The following HIPK1 variants were observed in gnomAD, a reference collection of about 807,000 sequenced individuals.
The protein encoded by HIPK1 is homeodomain interacting protein kinase 1.
HIPK1 carries 28 observed loss-of-function variants against 117.1 expected under a neutral mutation model. The observed-to-expected ratio is 0.24, with a 90% CI of 0.18 to 0.33. The LOEUF (loss-of-function observed/expected upper bound fraction) is 0.33, where lower values mean the gene tolerates loss of function less well. Among genes scored for constraint, HIPK1 ranks in the 10% least tolerant of loss-of-function variants. The pLI is 1.00. For missense variants in HIPK1, 1,122 were observed against 1,475.1 expected, an observed-to-expected ratio of 0.76 and a Z score of 3.92; for synonymous variants, 605 against 562.5, an observed-to-expected ratio of 1.08 and a Z score of -1.07.
chr1:113,951,138 A>G (rs531033412), intron 2 of HIPK1: 24 of 725,134 alleles, frequency 3.3e-5, no homozygotes, highest in Admixed American at 2.5e-4. Context: ...AGAACAGTGC[A>G]TGGCACATAG....
chr1:113,960,005 C>T (rs1485238889), intron 8 of HIPK1, among the ~76,000 whole-genome samples: 1 of 152,164 alleles, frequency 6.6e-6, no homozygotes, highest in Non-Finnish European at 1.5e-5. Flanking sequence ...ATGATTTGAA[C>T]CCAGGCAGGG....
intron 1 of HIPK1, among the ~76,000 whole-genome samples, chr1:113,932,698 C>T (rs1195429803): frequency 6.6e-6 from 1 of 152,132 alleles, no homozygotes; most frequent in African/African-American, 2.4e-5. Flanking sequence ...TTTTTCTCAT[C>T]TCGGAATTAG....
In HIPK1 at chr1:113,975,788, A is replaced by T. The variant is rs1410451492; in HGVS notation, c.*2276A>T. On this transcript the variant is annotated 3_prime_UTR_variant, in exon 16 of 16. Coordinates refer to ENST00000426820, the MANE Select transcript of HIPK1 (RefSeq NM_198268.3). ...AGGCTTTTGAGGTTTCTTTTTTAAC[A>T]GCTTGTATAGTCTTGGGGCCCTTCA... 6.6e-6 allele frequency: 1 copy of T among 152,644 alleles called. No individual in the cohort carries two copies. Among genetic ancestry groups the T allele is most frequent in the Non-Finnish European group, 1.5e-5 (1 of 68,030 alleles). 9.5% of individuals were successfully genotyped at this position (152,644 alleles called of 1,614,324 possible).
In HIPK1 at chr1:113,934,178, T is replaced by C. The variant is rs564851494; in HGVS notation, c.-3+4646T>C. Among the ~76,000 whole-genome samples, 39 of 152,304 alleles carry C rather than the reference T, an allele frequency of 2.6e-4. 1 individual carries two copies. Among genetic ancestry groups the C allele is most frequent in the South Asian group, 1.9e-3 (9 of 4,828 alleles). The stretch of plus-strand genomic sequence containing the variant: ...GTCATTTGGCTAACCAGCTGTTAAA[T>C]TGTATGAAAGAGGCAAAGATAACAT... On this transcript the variant is annotated intron_variant, in intron 1 of 15. Transcript: ENST00000426820.
At position 113,971,797 on chromosome 1, in the gene HIPK1, T is replaced by C. The variant is rs77125144; in HGVS notation, c.3014-27T>C. ...AGGTTAGCTCAGTGATGTCTACTCA[T>C]AACTATTAAGCCTGGTGCTTTTTTA... On this transcript the variant is annotated intron_variant, in intron 14 of 15. Coordinates refer to ENST00000426820, the MANE Select transcript of HIPK1 (RefSeq NM_198268.3). 8,320 of 1,582,844 alleles carry C rather than the reference T, an allele frequency of 5.3e-3. 371 individuals carry two copies. The African/African-American group carries it at 0.1, about 19-fold the overall frequency.
At chr1:113,957,747 A>G (rs1030027888) in intron 7 of HIPK1, among the ~76,000 whole-genome samples, 16 of 152,028 alleles carry the variant, frequency 1.1e-4, no homozygotes, top group Admixed American at 7.2e-4. Flanking sequence ...GGCTGGGTCT[A>G]CTTTTTTAAT....
Position 113,941,340 on chromosome 1 carries a change from A to G in HIPK1, c.957A>G (p.Glu319=). The G allele has an allele frequency of 6.2e-7, 1 of 1,614,204 alleles. No individual in the cohort carries two copies. The highest frequency in any genetic ancestry group is 1.3e-5 in the African/African-American group (1 of 75,050). Residue 319 remains glutamate, a synonymous_variant, in exon 2 of 16, where the codon GAA becomes GAG. Transcript: ENST00000426820. The surrounding 1 kb of genome is among the most constrained non-coding windows in gnomAD (Gnocchi z 4.9). ...TGATCCACGCTGACCTTAAGCCTGA[A>G]AACATCATGCTGGTTGATCCAGTTC... ...LGLIHADLKP[E]NIMLVDPVRQ...
At chr1:113,960,610 TGTA>T (rs1672037424) in intron 8 of HIPK1, among the ~76,000 whole-genome samples, 1 of 152,220 alleles carries the variant, frequency 6.6e-6, no homozygotes, top group African/African-American at 2.4e-5. Context: ...ACCAATGTCT[TGTA>T]GTTAGGCATG....
chr1:113,954,977 T>C (rs1442570687), intron 4 of HIPK1, among the ~76,000 whole-genome samples: 2 of 152,222 alleles, frequency 1.3e-5, no homozygotes, highest in Non-Finnish European at 2.9e-5. Flanking sequence ...GCTGAGGTTA[T>C]TTTGTATATG....
rs572511607 is a variant in HIPK1, at chr1:113,932,383, T to G, written c.-3+2851T>G. ...CTTTTTGGATCTGTTTTTTTTTTTTTTTTTTTTTATTTGAGACAAGATCTC... is the reference window on the plus strand; with the variant it reads ...CTTTTTGGATCTGTTTTTTTTTTTTGTTTTTTTTATTTGAGACAAGATCTC... On this transcript the variant is annotated intron_variant, in intron 1 of 15. Coordinates refer to ENST00000426820, the MANE Select transcript of HIPK1 (RefSeq NM_198268.3). 6.7e-5 allele frequency among the ~76,000 whole-genome samples: 10 copies of G among 150,372 alleles called. No homozygotes were observed. In the South Asian group the frequency reaches 8.5e-4, roughly 13 times the overall value.
chr1:113,960,365 A>G (rs979832691), intron 8 of HIPK1, among the ~76,000 whole-genome samples: 6 of 152,212 alleles, frequency 3.9e-5, no homozygotes, highest in Non-Finnish European at 8.8e-5. Flanking sequence ...GGCTCAGCCT[A>G]AAGTACAATA....
chr1:113,940,410 G>A lies in HIPK1; in HGVS notation c.27G>A (p.Ser9=), dbSNP rs577913437. The A allele has an allele frequency of 3.7e-6, 6 of 1,608,586 alleles. No individual in the cohort carries two copies. Among genetic ancestry groups the A allele is most frequent in the African/African-American group, 1.3e-5 (1 of 74,686 alleles). The change falls in exon 2 of 16, where the codon TCG becomes TCA. Residue 9 remains serine, a synonymous_variant. Transcript: ENST00000426820. MASQLQVF[S]PPSVSSSAFC... ...TGGCATCACAGCTGCAAGTGTTTTC[G>A]CCCCCATCAGTGTCGTCGAGTGCCT...
intron 1 of HIPK1, chr1:113,929,805 G>A (rs899592381): frequency 3.1e-6 from 3 of 982,030 alleles, no homozygotes; most frequent in African/African-American, 3.5e-5. Flanking sequence ...GGACGGCTCC[G>A]GGGGGCGGGG....
rs1469614409 is a variant in HIPK1, at chr1:113,975,509, T to C, written c.*1997T>C. 2 of 152,898 alleles carry C rather than the reference T, an allele frequency of 1.3e-5. No homozygotes were observed. Among genetic ancestry groups the C allele is most frequent in the Non-Finnish European group, 2.9e-5 (2 of 68,036 alleles). 9.5% of individuals were successfully genotyped at this position (152,898 alleles called of 1,614,324 possible). ...CTTTTAAAGTATGTGCAATCACTTT[T>C]AGAATGAATTTTTTTTTCCTTTTCC... On this transcript the variant is annotated 3_prime_UTR_variant, in exon 16 of 16. Coordinates refer to ENST00000426820, the MANE Select transcript of HIPK1 (RefSeq NM_198268.3).
In HIPK1 at chr1:113,968,472, CTA is replaced by C; in HGVS notation, c.2597_2598del (p.Tyr866PhefsTer15). 1 of 1,613,990 alleles carries C rather than the reference CTA, an allele frequency of 6.2e-7. No homozygotes were observed. Among genetic ancestry groups the C allele is most frequent in the Non-Finnish European group, 8.5e-7 (1 of 1,179,836 alleles). ...CTCTAGATGTTCTGCCTTCCCAAGT[CTA>C]TTCTCTGGTTGGGAGCAGTCCCCTC... is the stretch of plus-strand genomic sequence containing the variant. The part of the protein sequence containing the change: ...SSLDVLPSQV[Y>X]SLVGSSPLRT... On this transcript the variant is annotated frameshift_variant, in exon 13 of 16. Transcript: ENST00000426820. LOFTEE classifies it high-confidence loss of function.
At chr1:113,933,513 AG>A (rs1426711198) in intron 1 of HIPK1, among the ~76,000 whole-genome samples, 2 of 150,798 alleles carry the variant, frequency 1.3e-5, no homozygotes, top group East Asian at 3.9e-4. Context: ...TTTTTTTTTC[AG>A]ATGTGCATTT....
In HIPK1 at chr1:113,974,965, G is replaced by A. The variant is rs945457105; in HGVS notation, c.*1453G>A. 2 of 152,786 alleles carry A rather than the reference G, an allele frequency of 1.3e-5. No individual in the cohort carries two copies. Among genetic ancestry groups the A allele is most frequent in the Middle Eastern group, 3.2e-3 (1 of 316 alleles). 9.5% of individuals were successfully genotyped at this position (152,786 alleles called of 1,614,324 possible). On this transcript the variant is annotated 3_prime_UTR_variant, in exon 16 of 16. Transcript: ENST00000426820. ...AAAATGAACTGATACTTGTTGGAAT[G>A]TATGTGAACTAATTGCAATTATATT...
chr1:113,952,747 T>C lies in HIPK1; in HGVS notation c.1077-19T>C. The C allele has an allele frequency of 1.4e-6, 2 of 1,437,318 alleles. No individual in the cohort carries two copies. Among genetic ancestry groups the C allele is most frequent in the African/African-American group, 1.5e-5 (1 of 68,140 alleles). The allele number at this position is 1,437,318 out of a possible 1,614,324, so 89.0% of individuals were successfully genotyped here. On this transcript the variant is annotated intron_variant, in intron 2 of 15. Coordinates refer to ENST00000426820, the MANE Select transcript of HIPK1 (RefSeq NM_198268.3). The stretch of plus-strand genomic sequence containing the variant: ...TAATGTTTTTTTTTTTTTAATCTGA[T>C]ATTTTTTGTTTTTGCTAGAGCTCCT...
Position 113,944,159 on chromosome 1 carries a change from G to GTTTTTTTT in HIPK1, c.1076+2722_1076+2729dup, listed in dbSNP as rs140161727. ...TTTGTTTTTTAAATAATAGCCATGG[G>GTTTTTTTT]TTTTTTTTTTTTTTTTTTTTTTTTT... On this transcript the variant is annotated intron_variant, in intron 2 of 15. Coordinates refer to ENST00000426820, the MANE Select transcript of HIPK1 (RefSeq NM_198268.3). Among the ~76,000 whole-genome samples the GTTTTTTTT allele has an allele frequency of 1.0e-3, 56 of 55,232 alleles. 7 individuals are homozygous for GTTTTTTTT. The highest frequency in any genetic ancestry group is 3.2e-3 in the African/African-American group (37 of 11,530). 36.2% of individuals were successfully genotyped at this position (55,232 alleles called of 152,430 possible). A position where few individuals can be genotyped will look rare whatever the true frequency, so the allele number is the denominator to read the frequency against.
Sources: allele counts gnomAD v4.1 joint callset (sites outside exome capture counted in the v4.1 genomes callset), GRCh38; gene constraint gnomAD v4.1.1; non-coding constraint Gnocchi (gnomAD v3.1); transcripts MANE v1.5; gene names NCBI Gene and HGNC (gene_info 2026-07-23, HGNC 2026-07-21).